AUNIP: variants seen among roughly 807,000 people sequenced by gnomAD.
AUNIP encodes the protein aurora kinase A- and ninein-interacting protein.
Under a neutral mutation model 12.2 loss-of-function variants are expected in AUNIP, and 16 were observed. That is an observed-to-expected ratio of 1.31 (90% confidence interval 0.88 to 1.99). AUNIP has a LOEUF of 1.99. Among genes scored for constraint, AUNIP ranks in the 30% most tolerant of loss-of-function variants. The probability of loss-of-function intolerance (pLI) is 0.00; values close to 1 mark genes in which losing one functional copy is unlikely to be tolerated. For missense variants in AUNIP, 411 were observed against 419.1 expected (o/e 0.98, Z 0.17); for synonymous variants, 142 against 154.8 (o/e 0.92, Z 0.61).
intron 1 of AUNIP, among the ~76,000 whole-genome samples, chr1:25,839,731 T>C (rs749952088): frequency 2.0e-4 from 30 of 152,134 alleles, no homozygotes; most frequent in Non-Finnish European, 4.4e-4. Context: ...TGGCACAATC[T>C]CAGCTCACTG....
intron 1 of AUNIP, among the ~76,000 whole-genome samples, chr1:25,849,709 C>T (rs2048413292): frequency 6.6e-6 from 1 of 152,248 alleles, no homozygotes; most frequent in African/African-American, 2.4e-5. Context: ...TCTTGGCTCA[C>T]TGCAACCTCT....
chr1:25,840,499 C>T (rs1201969146), intron 1 of AUNIP, among the ~76,000 whole-genome samples: 1 of 152,128 alleles, frequency 6.6e-6, no homozygotes. Flanking sequence ...ACAACTGTAA[C>T]ATTCTTTTTC....
chr1:25,834,221 C>G lies in AUNIP; in HGVS notation c.*772G>C, dbSNP rs2048278743. 1.0e-6 allele frequency: 1 copy of G among 985,098 alleles called. No individual in the cohort carries two copies. The highest frequency in any genetic ancestry group is 1.1e-4 in the East Asian group (1 of 8,810). 61.0% of individuals were successfully genotyped at this position (985,098 alleles called of 1,614,324 possible). The stretch of plus-strand genomic sequence containing the variant: ...CCATTCTACCTCTCTTCTCTCCACA[C>G]CTGGGTTGTGGGGAGATTTGCTAAT... On this transcript the variant is annotated 3_prime_UTR_variant, in exon 3 of 3. Coordinates refer to ENST00000374298, the MANE Select transcript of AUNIP (RefSeq NM_024037.3).
intron 1 of AUNIP, among the ~76,000 whole-genome samples, chr1:25,846,374 G>C (rs2048383010): frequency 7.1e-6 from 1 of 141,228 alleles, no homozygotes; most frequent in Non-Finnish European, 1.5e-5. Context: ...AGCAGAGATT[G>C]GGCCACTGCA....
At chr1:25,841,097 G>A (rs1011998445) in intron 1 of AUNIP, among the ~76,000 whole-genome samples, 1 of 152,198 alleles carries the variant, frequency 6.6e-6, no homozygotes, top group Non-Finnish European at 1.5e-5. Flanking sequence ...GGAGCTGAAG[G>A]ATGTACCTTC....
At chr1:25,855,231 T>C (rs1007905027) in intron 1 of AUNIP, among the ~76,000 whole-genome samples, 3 of 152,168 alleles carry the variant, frequency 2.0e-5, no homozygotes, top group Non-Finnish European at 2.9e-5. Flanking sequence ...CACTAAATAC[T>C]GTCTGTGCTC....
intron 1 of AUNIP, among the ~76,000 whole-genome samples, chr1:25,844,505 C>T (rs2048369189): frequency 6.6e-6 from 1 of 152,130 alleles, no homozygotes; most frequent in Admixed American, 6.5e-5. Context: ...TTCCACAGCA[C>T]TTAAATTAAG....
intron 1 of AUNIP, among the ~76,000 whole-genome samples, chr1:25,857,718 C>T (rs887446816): frequency 6.6e-6 from 1 of 151,604 alleles, no homozygotes; most frequent in Non-Finnish European, 1.5e-5. Flanking sequence ...CAAAAATCAG[C>T]CGAGCGTAGT....
intron 1 of AUNIP, among the ~76,000 whole-genome samples, chr1:25,852,203 C>T (rs1243420525): frequency 1.3e-5 from 2 of 152,184 alleles, no homozygotes; most frequent in Admixed American, 1.3e-4. Context: ...ATCCTCCCAC[C>T]TCAGCCTCCT....
Position 25,835,759 on chromosome 1 carries a change from A to AGCTGGGTC in AUNIP, c.300_307dup (p.Leu103ArgfsTer4). The AGCTGGGTC allele has an allele frequency of 6.2e-7, 1 of 1,614,246 alleles. No individual in the cohort carries two copies. The highest frequency in any genetic ancestry group is 8.5e-7 in the Non-Finnish European group (1 of 1,180,046). The stretch of plus-strand genomic sequence containing the variant: ...TGCTAAGCCTGGGATCAAATGGTCT[A>AGCTGGGTC]GCTGGGTCGCATTTTTCTTGGACTC... On this transcript the variant is annotated frameshift_variant, in exon 3 of 3. Coordinates refer to ENST00000374298, the MANE Select transcript of AUNIP (RefSeq NM_024037.3). LOFTEE classifies it low-confidence loss of function (END_TRUNC).
intron 1 of AUNIP, among the ~76,000 whole-genome samples, chr1:25,839,782 G>C (rs560241291): frequency 6.6e-6 from 1 of 152,166 alleles, no homozygotes; most frequent in African/African-American, 2.4e-5. Flanking sequence ...TCCTACCTCA[G>C]CCTCCTGAGC....
Position 25,837,399 on chromosome 1 carries a change from A to T in AUNIP, c.220+14T>A. The T allele has an allele frequency of 1.9e-6, 3 of 1,610,862 alleles. No homozygotes were observed. The highest frequency in any genetic ancestry group is 8.5e-7 in the Non-Finnish European group (1 of 1,178,664). On this transcript the variant is annotated intron_variant, in intron 2 of 2. Transcript: ENST00000374298. ...GCTCTGGATAATGAAGTATTCCCATATGGGTCACCATACCTGGCTGCAAGG... is the reference window on the plus strand; with the variant it reads ...GCTCTGGATAATGAAGTATTCCCATTTGGGTCACCATACCTGGCTGCAAGG...
intron 1 of AUNIP, among the ~76,000 whole-genome samples, chr1:25,838,295 G>A (rs2048319749): frequency 6.6e-6 from 1 of 151,956 alleles, no homozygotes; most frequent in Non-Finnish European, 1.5e-5. Context: ...ACGAGGTCAG[G>A]AGTTCAAGAC....
chr1:25,846,416 C>CAAAAAAAAAAAAAAAA (rs57719994), intron 1 of AUNIP, among the ~76,000 whole-genome samples: 1 of 29,832 alleles, frequency 3.4e-5, no homozygotes, highest in African/African-American at 1.5e-4. Context: ...GACTCCATCT[C>CAAAAAAAAAAAAAAAA]AAAAAAAAAA....
At position 25,834,050 on chromosome 1, in the gene AUNIP, T is replaced by C; in HGVS notation, c.*943A>G. The C allele has an allele frequency of 2.0e-6, 2 of 985,348 alleles. No individual in the cohort carries two copies. Among genetic ancestry groups the C allele is most frequent in the Non-Finnish European group, 2.4e-6 (2 of 829,852 alleles). 61.0% of individuals were successfully genotyped at this position (985,348 alleles called of 1,614,324 possible). On this transcript the variant is annotated 3_prime_UTR_variant, in exon 3 of 3. Coordinates refer to ENST00000374298, the MANE Select transcript of AUNIP (RefSeq NM_024037.3). ...TGGATTCATAGTTTTACAAAGGGGATTCCCTCCTATCTTGTGGGAAAAGGG... is the reference window on the plus strand; with the variant it reads ...TGGATTCATAGTTTTACAAAGGGGACTCCCTCCTATCTTGTGGGAAAAGGG...
intron 1 of AUNIP, among the ~76,000 whole-genome samples, chr1:25,850,728 G>A (rs552294125): frequency 4.6e-5 from 7 of 152,050 alleles, no homozygotes; most frequent in African/African-American, 1.4e-4. Flanking sequence ...CCTACCATAC[G>A]GAAGTACAAT....
chr1:25,856,944 CAA>C (rs57083607), intron 1 of AUNIP, among the ~76,000 whole-genome samples: 2 of 135,794 alleles, frequency 1.5e-5, no homozygotes, highest in African/African-American at 2.7e-5. Flanking sequence ...CCCGTCTCTA[CAA>C]AAAAAAAAAA....
chr1:25,850,117 T>C (rs2048415938), intron 1 of AUNIP, among the ~76,000 whole-genome samples: 1 of 152,180 alleles, frequency 6.6e-6, no homozygotes, highest in African/African-American at 2.4e-5. Flanking sequence ...TTATGGTATA[T>C]GAATCATATC....
rs767330890 is a variant in AUNIP, at chr1:25,835,179, C to G, written c.888G>C (p.Arg296=). ...QLFTEDSQGQ[R]VIAHNTRAPF... is the part of the protein sequence containing the mutation. ...GAGCTCTAGTGTTGTGGGCAATGAC[C>G]CGCTGGCCTTGAGAATCTTCAGTGA... is the stretch of plus-strand genomic sequence containing the variant. Residue 296 remains arginine, a synonymous_variant, in exon 3 of 3, where the codon CGG becomes CGC. Coordinates refer to ENST00000374298, the MANE Select transcript of AUNIP (RefSeq NM_024037.3). The G allele has an allele frequency of 8.7e-6, 14 of 1,614,068 alleles. No individual in the cohort carries two copies. Among genetic ancestry groups the G allele is most frequent in the Admixed American group, 5.0e-5 (3 of 60,006 alleles).
Sources: gnomAD v4.1 joint callset for allele counts (sites outside exome capture counted in the v4.1 genomes callset) on GRCh38, gnomAD v4.1.1 for gene constraint, MANE v1.5 for transcripts, NCBI Gene and HGNC (gene_info 2026-07-23, HGNC 2026-07-21) for gene names.